CELSR1: variants seen among roughly 807,000 people sequenced by gnomAD.
The protein encoded by CELSR1 is adhesion G protein-coupled receptor C1.
A neutral mutation model predicts 249.1 loss-of-function variants in CELSR1; 110 were observed. The observed-to-expected ratio is 0.44, with a 90% CI of 0.38 to 0.52. The LOEUF (loss-of-function observed/expected upper bound fraction) is 0.52, where lower values mean the gene tolerates loss of function less well. Ranked by LOEUF, CELSR1 falls within the 20% of genes least tolerant of loss-of-function variation. CELSR1 has a pLI of 0.00. For missense variants in CELSR1, 4,109 were observed against 4,296.4 expected (o/e 0.96, Z 1.22); for synonymous variants, 2,113 against 1,900.0 (o/e 1.11, Z -2.92).
intron 5 of CELSR1, among the ~76,000 whole-genome samples, chr22:46,416,166 T>A (rs1018456346): frequency 8.6e-5 from 13 of 151,164 alleles, no homozygotes; most frequent in Non-Finnish European, 1.9e-4. Flanking sequence ...GAGGAATTTT[T>A]AAAGTTTGCC....
chr22:46,453,064 AG>A (rs1397908470), intron 2 of CELSR1, among the ~76,000 whole-genome samples: 2 of 152,132 alleles, frequency 1.3e-5, no homozygotes, highest in East Asian at 3.9e-4. Context: ...TCCTGATGGT[AG>A]GGAGAGGGCT....
chr22:46,406,470 C>A lies in CELSR1; in HGVS notation c.5226+2526G>T, dbSNP rs2079266897. Among the ~76,000 whole-genome samples the A allele has an allele frequency of 6.6e-6, 1 of 152,216 alleles. No individual in the cohort carries two copies. Among genetic ancestry groups the A allele is most frequent in the African/African-American group, 2.4e-5 (1 of 41,468 alleles). ...TGAGCCCCTGCCCCACAGCCCCGACCCATCTCCTGAGCCCTCGCTGATCTG... is the reference window on the plus strand; with the variant it reads ...TGAGCCCCTGCCCCACAGCCCCGACACATCTCCTGAGCCCTCGCTGATCTG... On this transcript the variant is annotated intron_variant, in intron 9 of 34. Coordinates refer to ENST00000674500, the MANE Select transcript of CELSR1 (RefSeq NM_001378328.1). This position sits in a 1 kb window ranked among gnomAD's most constrained non-coding sequence, Gnocchi z 5.4.
At chr22:46,366,329 G>A (rs1284797078) in intron 30 of CELSR1, 57 bp downstream of exon 30, 2 of 1,299,556 alleles carry the variant, frequency 1.5e-6, no homozygotes, top group African/African-American at 1.5e-5. Context: ...GGGTGGCAGG[G>A]GCAAAACCTG....
chr22:46,456,825 C>T (rs1287214445), intron 2 of CELSR1, among the ~76,000 whole-genome samples: 2 of 149,702 alleles, frequency 1.3e-5, no homozygotes, highest in Non-Finnish European at 2.9e-5. Context: ...TTTCTCTGTC[C>T]TTGAACCTAC....
chr22:46,465,044 T>C (rs896836601), intron 1 of CELSR1, among the ~76,000 whole-genome samples: 5 of 152,122 alleles, frequency 3.3e-5, no homozygotes, highest in Admixed American at 2.6e-4. Flanking sequence ...GTGAGGTACT[T>C]AGGAGTCTGA....
At chr22:46,520,163 T>C (rs1199293845) in intron 1 of CELSR1, among the ~76,000 whole-genome samples, 2 of 152,060 alleles carry the variant, frequency 1.3e-5, no homozygotes, top group Admixed American at 6.6e-5. Flanking sequence ...CGTGAGCCAC[T>C]GCGCCCAGCC....
chr22:46,481,704 C>T (rs562187921), intron 1 of CELSR1: 60 of 563,484 alleles, frequency 1.1e-4, no homozygotes, highest in Non-Finnish European at 5.8e-5. Flanking sequence ...CCATGGAGTC[C>T]ACCACCTCCT....
intron 18 of CELSR1, among the ~76,000 whole-genome samples, chr22:46,387,033 C>T (rs1569124765): frequency 6.6e-6 from 1 of 152,292 alleles, no homozygotes; most frequent in Non-Finnish European, 1.5e-5. Context: ...GCTGGGATTA[C>T]AGGCGTGAGC....
chr22:46,405,459 CAAAAAAAAAA>C (rs869105580), intron 9 of CELSR1, among the ~76,000 whole-genome samples: 3 of 84,850 alleles, frequency 3.5e-5, no homozygotes, highest in Admixed American at 1.4e-4. Context: ...GACTCCGTCT[CAAAAAAAAAA>C]AAAAAAAAAA....
chr22:46,470,998 A>G (rs887931406), intron 1 of CELSR1, among the ~76,000 whole-genome samples: 6 of 152,168 alleles, frequency 3.9e-5, no homozygotes, highest in East Asian at 3.9e-4. Context: ...TGTGGTGCAC[A>G]TCTGTAATCC....
intron 1 of CELSR1, among the ~76,000 whole-genome samples, chr22:46,470,757 T>G (rs766431801): frequency 1.8e-4 from 27 of 152,060 alleles, no homozygotes; most frequent in Admixed American, 6.6e-5. Context: ...CAACGGAATA[T>G]GACGCAGCTA....
chr22:46,424,852 A>G (rs1443256187), intron 5 of CELSR1, among the ~76,000 whole-genome samples: 3 of 152,158 alleles, frequency 2.0e-5, no homozygotes, highest in African/African-American at 7.2e-5. Context: ...TGTGCCTGCA[A>G]TCTCAGCTAC....
chr22:46,528,243 T>C (rs376609143), intron 1 of CELSR1, among the ~76,000 whole-genome samples: 5 of 152,206 alleles, frequency 3.3e-5, no homozygotes, highest in African/African-American at 1.2e-4. Flanking sequence ...CACTGCAATA[T>C]CCTGTATTTA....
intron 1 of CELSR1, among the ~76,000 whole-genome samples, chr22:46,532,869 T>C (rs1302825217): frequency 6.6e-6 from 1 of 152,082 alleles, no homozygotes; most frequent in Non-Finnish European, 1.5e-5. Flanking sequence ...GTCAGAGGCA[T>C]AGAGGACCGG....
Position 46,393,993 on chromosome 22 carries a change from C to A in CELSR1, c.5964+149G>T. 2 of 1,068,798 alleles carry A rather than the reference C, an allele frequency of 1.9e-6. No individual in the cohort carries two copies. Among genetic ancestry groups the A allele is most frequent in the Admixed American group, 2.4e-5 (1 of 41,634 alleles). The allele number at this position is 1,068,798 out of a possible 1,614,324, so 66.2% of individuals were successfully genotyped here. A position where few individuals can be genotyped will look rare whatever the true frequency, so the allele number is the denominator to read the frequency against. Reference sequence around the variant, plus strand: ...AAGGAAACCAAAAACCACATCTGTACACAAATGTGATGTGAGTGGGCACAG... The same window carrying A: ...AAGGAAACCAAAAACCACATCTGTAAACAAATGTGATGTGAGTGGGCACAG... On this transcript the variant is annotated intron_variant, in intron 14 of 34. Coordinates refer to ENST00000674500, the MANE Select transcript of CELSR1 (RefSeq NM_001378328.1). The surrounding 1 kb of genome is among the most constrained non-coding windows in gnomAD (Gnocchi z 4.1).
intron 20 of CELSR1, among the ~76,000 whole-genome samples, chr22:46,383,006 A>G (rs901150221): frequency 1.3e-5 from 2 of 152,186 alleles, no homozygotes; most frequent in African/African-American, 4.8e-5. Flanking sequence ...TGGCCCCTCC[A>G]AATCTCATGT....
In CELSR1 at chr22:46,484,017, C is replaced by A. The variant is rs2080291600; in HGVS notation, c.3545-19672G>T. Among the ~76,000 whole-genome samples the A allele has an allele frequency of 6.6e-6, 1 of 152,202 alleles. No homozygotes were observed. The highest frequency in any genetic ancestry group is 1.5e-5 in the Non-Finnish European group (1 of 68,030). On this transcript the variant is annotated intron_variant, in intron 1 of 34. Coordinates refer to ENST00000674500, the MANE Select transcript of CELSR1 (RefSeq NM_001378328.1). This position sits in a 1 kb window ranked among gnomAD's most constrained non-coding sequence, Gnocchi z 4.5. ...CATCCCTTGCCTCCAGGTAAAGGAG[C>A]ACAACTGTCAATTTCACGGAGCACA...
At chr22:46,438,946 T>G (rs886392392) in intron 3 of CELSR1, among the ~76,000 whole-genome samples, 1 of 152,110 alleles carries the variant, frequency 6.6e-6, no homozygotes, top group Non-Finnish European at 1.5e-5. Context: ...TTAGTAGAGA[T>G]GGGGTTTTGC....
At position 46,490,693 on chromosome 22, in the gene CELSR1, G is replaced by C. The variant is rs1021227437; in HGVS notation, c.3545-26348C>G. 6.6e-6 allele frequency among the ~76,000 whole-genome samples: 1 copy of C among 152,114 alleles called. No homozygotes were observed. The highest frequency in any genetic ancestry group is 2.4e-5 in the African/African-American group (1 of 41,404). ...GACTCAGGAAAGTGGTGGGTGTGCG[G>C]GGACACTTTAAAATACCAGAAAAAT... is the stretch of plus-strand genomic sequence containing the variant. On this transcript the variant is annotated intron_variant, in intron 1 of 34. Coordinates refer to ENST00000674500, the MANE Select transcript of CELSR1 (RefSeq NM_001378328.1). The surrounding 1 kb of genome is among the most constrained non-coding windows in gnomAD (Gnocchi z 5.2).
Sources: gnomAD v4.1 joint callset for allele counts (sites outside exome capture counted in the v4.1 genomes callset) on GRCh38, gnomAD v4.1.1 for gene constraint, Gnocchi (gnomAD v3.1) non-coding constraint, MANE v1.5 for transcripts, NCBI Gene and HGNC (gene_info 2026-07-23, HGNC 2026-07-21) for gene names.